TTC8: variants seen among roughly 807,000 people sequenced by gnomAD.
TTC8 encodes tetratricopeptide repeat domain 8.
Under a neutral mutation model 72.5 loss-of-function variants are expected in TTC8, and 47 were observed. That is an observed-to-expected ratio of 0.65 (90% CI 0.51 to 0.83). The LOEUF (loss-of-function observed/expected upper bound fraction) is 0.83, where lower values mean the gene tolerates loss of function less well. Ranked by LOEUF, TTC8 falls within the 40% of genes least tolerant of loss-of-function variation. The pLI is 0.00. For synonymous variants in TTC8, 199 were observed against 221.4 expected, an observed-to-expected ratio of 0.90 and a Z score of 0.90; for missense variants, 611 against 623.2, an observed-to-expected ratio of 0.98 and a Z score of 0.21.
chr14:88,874,069 T>C (rs1208354183), intron 13 of TTC8, among the ~76,000 whole-genome samples: 3 of 152,234 alleles, frequency 2.0e-5, no homozygotes, highest in African/African-American at 7.2e-5. Context: ...CCTGTATTCA[T>C]ATGGTGAAAC....
At position 88,833,244 on chromosome 14, in the gene TTC8, G is replaced by T. The variant is rs2094734640; in HGVS notation, c.115-449G>T. On this transcript the variant is annotated intron_variant, in intron 1 of 14. Transcript: ENST00000380656. The stretch of plus-strand genomic sequence containing the variant: ...TAACCAGTGGGTTTCTATTTAATTT[G>T]TACAGAAAAACCCAGATGCTGAGTT... 2.6e-5 allele frequency among the ~76,000 whole-genome samples: 4 copies of T among 151,986 alleles called. No individual in the cohort carries two copies. In the South Asian group the frequency reaches 8.3e-4, roughly 32 times the overall value.
intron 10 of TTC8, among the ~76,000 whole-genome samples, chr14:88,864,354 T>A (rs572403443): frequency 6.6e-6 from 1 of 152,364 alleles, no homozygotes; most frequent in African/African-American, 2.4e-5. Flanking sequence ...GAATTCATGC[T>A]TGTTCCAATG....
At chr14:88,845,695 CAAATT>C (rs941028551) in intron 7 of TTC8, among the ~76,000 whole-genome samples, 7 of 152,136 alleles carry the variant, frequency 4.6e-5, no homozygotes, top group African/African-American at 1.7e-4. Flanking sequence ...TAGTAAATCT[CAAATT>C]ACTAGAGTAT....
intron 10 of TTC8, among the ~76,000 whole-genome samples, chr14:88,865,496 T>A (rs991609348): frequency 2.0e-5 from 3 of 152,004 alleles, no homozygotes; most frequent in African/African-American, 7.2e-5. Context: ...TGGAGAAACC[T>A]TGTCTCTACT....
rs771410392 is a variant in TTC8, at chr14:88,857,190, G to T, written c.711G>T (p.Arg237Ser). The change falls in exon 9 of 15, where the codon AGG (arginine) becomes AGT (serine). Residue 237 changes from arginine (R) to serine (S), a missense_variant and splice_region_variant. Arg to Ser is a moderately radical substitution (Grantham distance 110). Transcript: ENST00000380656. ...WKVQIGKCYYRLGMYREAEKQ... is the reference protein window; with the variant it reads ...WKVQIGKCYYSLGMYREAEKQ... ...TAATTCTTAAAATTGCTATTTGTAG[G>T]TTGGGAATGTATCGTGAAGCAGAAA... 1 of 1,613,664 alleles carries T rather than the reference G, an allele frequency of 6.2e-7. No individual in the cohort carries two copies.
intron 10 of TTC8, among the ~76,000 whole-genome samples, chr14:88,864,908 G>C (rs1390666062): frequency 1.3e-5 from 2 of 152,122 alleles, no homozygotes; most frequent in Middle Eastern, 3.2e-3. Context: ...TAGGGTTTTT[G>C]TTACATACAT....
At chr14:88,854,937 T>C (rs149444638) in intron 8 of TTC8, among the ~76,000 whole-genome samples, 1,753 of 152,322 alleles carry the variant, frequency 0.012, 23 homozygotes, top group Non-Finnish European at 0.018. Context: ...TCCTCCCGCC[T>C]TGGCATCCTA....
intron 13 of TTC8, among the ~76,000 whole-genome samples, chr14:88,874,401 T>C (rs559751488): frequency 1.3e-5 from 2 of 152,210 alleles, no homozygotes; most frequent in African/African-American, 4.8e-5. Context: ...TGCTGCTCAG[T>C]GGTCTCTGCA....
chr14:88,857,122 A>G, intron 8 of TTC8, 68 bp from the exon 9 acceptor site: 1 of 1,358,452 alleles, frequency 7.4e-7, no homozygotes, highest in East Asian at 2.3e-5. Context: ...GTCTCTATTC[A>G]TCCTCAGGGT....
downstream of TTC8, chr14:88,879,471 T>TA (rs1566865338): frequency 6.7e-6 from 1 of 150,094 alleles, no homozygotes. Context: ...CTTCCTGCGC[T>TA]AAAACATTAC....
Position 88,877,492 on chromosome 14 carries a change from T to C in TTC8, c.*82T>C. 9.2e-7 allele frequency: 1 copy of C among 1,091,790 alleles called. No individual in the cohort carries two copies. Among genetic ancestry groups the C allele is most frequent in the Non-Finnish European group, 1.4e-6 (1 of 705,702 alleles). The allele number at this position is 1,091,790 out of a possible 1,614,324, so 67.6% of individuals were successfully genotyped here. ...CACTATGTCTGTGTATGTATGTATA[T>C]AGTGTAATACGTATATTTTAACAAA... On this transcript the variant is annotated 3_prime_UTR_variant, in exon 15 of 15. Coordinates refer to ENST00000380656, the MANE Select transcript of TTC8 (RefSeq NM_144596.4).
intron 10 of TTC8, among the ~76,000 whole-genome samples, chr14:88,866,874 A>T (rs2094912363): frequency 6.6e-6 from 1 of 152,202 alleles, no homozygotes; most frequent in Non-Finnish European, 1.5e-5. Flanking sequence ...GTGGAGGGAC[A>T]AAAGATAGGA....
rs2094934438 is a variant in TTC8, at chr14:88,871,635, C to T, written c.1136C>T (p.Thr379Ile). 3.1e-6 allele frequency: 5 copies of T among 1,614,132 alleles called. No individual in the cohort carries two copies. The highest frequency in any genetic ancestry group is 2.2e-5 in the South Asian group (2 of 91,088). ...CCFYAQQYDM[T>I]LTSFERALSL... ...TTCTATGCCCAGCAGTATGATATGA[C>T]TCTGACCTCATTTGAACGTGCCCTT... The change falls in exon 12 of 15, where the codon ACT (threonine) becomes ATT (isoleucine). Residue 379 changes from threonine (T) to isoleucine (I), a missense_variant. Physicochemically the swap from Thr to Ile is moderately conservative, Grantham distance 89 (BLOSUM62 -1). Transcript: ENST00000380656. The surrounding 1 kb of genome is among the most constrained non-coding windows in gnomAD (Gnocchi z 4.1).
chr14:88,870,022 TA>T, intron 10 of TTC8, 36 bp from the exon 11 acceptor site: 1 of 1,609,652 alleles, frequency 6.2e-7, no homozygotes. Flanking sequence ...TGTCCAATAT[TA>T]ATAAAATATT....
At chr14:88,868,046 A>G (rs1222951307) in intron 10 of TTC8, among the ~76,000 whole-genome samples, 1 of 152,342 alleles carries the variant, frequency 6.6e-6, no homozygotes, top group East Asian at 1.9e-4. Flanking sequence ...AGATTTCGAC[A>G]AATAGAGGTC....
intron 13 of TTC8, among the ~76,000 whole-genome samples, chr14:88,872,717 A>G (rs1200866133): frequency 6.6e-6 from 1 of 152,162 alleles, no homozygotes; most frequent in Non-Finnish European, 1.5e-5. Context: ...GTGTTCTACC[A>G]GTCACCATCC....
chr14:88,878,792 A>G (rs962746980), downstream of TTC8: 1 of 152,236 alleles, frequency 6.6e-6, no homozygotes, highest in Non-Finnish European at 1.5e-5. Flanking sequence ...AGGATGTTAA[A>G]TATGCCCACT....
downstream of TTC8, chr14:88,880,830 A>G (rs1399630788): frequency 1.3e-5 from 2 of 152,216 alleles, no homozygotes; most frequent in Non-Finnish European, 2.9e-5. Flanking sequence ...AGGAAGAGAA[A>G]GAAAATAACC....
intron 1 of TTC8, among the ~76,000 whole-genome samples, chr14:88,825,326 C>A (rs951440448): frequency 6.6e-6 from 1 of 152,096 alleles, no homozygotes; most frequent in Non-Finnish European, 1.5e-5. Flanking sequence ...ATGAGTTTAG[C>A]TTGAGGCAAA....
Sources: allele counts gnomAD v4.1 joint callset (sites outside exome capture counted in the v4.1 genomes callset), GRCh38; gene constraint gnomAD v4.1.1; non-coding constraint Gnocchi (gnomAD v3.1); transcripts MANE v1.5; gene names NCBI Gene and HGNC (gene_info 2026-07-23, HGNC 2026-07-21).